Variants in TMEM132D observed in about 807,000 individuals in gnomAD.
TMEM132D encodes mature OL transmembrane protein.
TMEM132D carries 21 observed loss-of-function variants against 62.3 expected under a neutral mutation model. The ratio of observed to expected loss-of-function variants is 0.34; its 90% CI spans 0.24 to 0.49. The LOEUF (loss-of-function observed/expected upper bound fraction) is 0.49. TMEM132D is among the 20% of genes least tolerant of loss of function. The pLI, the probability that TMEM132D is intolerant of heterozygous loss-of-function variation, is 0.99. For missense variants in TMEM132D, 1,346 were observed against 1,402.8 expected, an observed-to-expected ratio of 0.96 and a Z score of 0.65; for synonymous variants, 621 against 575.6, an observed-to-expected ratio of 1.08 and a Z score of -1.13.
rs1037186706 is a variant in TMEM132D, at chr12:129,596,770, G to GT, written c.969-65566dup. 3.6e-3 allele frequency among the ~76,000 whole-genome samples: 518 copies of GT among 145,050 alleles called. 5 individuals are homozygous for GT. Among genetic ancestry groups the GT allele is most frequent in the African/African-American group, 0.011 (425 of 39,694 alleles). Reference sequence around the variant, plus strand: ...ATGCCTCTGACCTCATTCGAATGGTGTTTTTTTTTTTAAACTCCTGTTTGA... The same window carrying GT: ...ATGCCTCTGACCTCATTCGAATGGTGTTTTTTTTTTTTAAACTCCTGTTTGA... On this transcript the variant is annotated intron_variant, in intron 2 of 8. Coordinates refer to ENST00000422113, the MANE Select transcript of TMEM132D (RefSeq NM_133448.3).
intron 2 of TMEM132D, among the ~76,000 whole-genome samples, chr12:129,535,755 A>C (rs147493638): frequency 1.1e-3 from 160 of 147,688 alleles, no homozygotes; most frequent in Admixed American, 2.2e-3. Flanking sequence ...GTTTGTTGGG[A>C]GATTCATTTA....
chr12:129,150,213 A>G lies in TMEM132D; in HGVS notation c.1443+59307T>C, dbSNP rs539824831. 1.4e-4 allele frequency among the ~76,000 whole-genome samples: 21 copies of G among 152,254 alleles called. No homozygotes were observed. In the East Asian group the frequency reaches 4.1e-3, roughly 30 times the overall value. ...TACAAAGCCATCTACTGCAGCATCT[A>G]TTTGATCCCAGGGGAGCCCCATCCA... On this transcript the variant is annotated intron_variant, in intron 5 of 8. Transcript: ENST00000422113.
intron 1 of TMEM132D, among the ~76,000 whole-genome samples, chr12:129,714,570 AGACT>A (rs777456782): frequency 5.9e-5 from 9 of 152,216 alleles, no homozygotes; most frequent in Non-Finnish European, 1.2e-4. Context: ...TGCAGTAGAC[AGACT>A]AACATGTATC....
chr12:129,700,755 A>C (rs2137228237), intron 1 of TMEM132D, 57 bp from the exon 2 acceptor site: 3 of 1,520,246 alleles, frequency 2.0e-6, no homozygotes, highest in Non-Finnish European at 2.6e-6. Flanking sequence ...TGTTACCAGC[A>C]TTTCAGACAT....
At chr12:129,725,910 G>T (rs1869017570) in intron 1 of TMEM132D, among the ~76,000 whole-genome samples, 1 of 152,204 alleles carries the variant, frequency 6.6e-6, no homozygotes, top group South Asian at 2.1e-4. Context: ...GGTTCTCAAT[G>T]TGCACAGGCT....
intron 4 of TMEM132D, among the ~76,000 whole-genome samples, chr12:129,259,341 C>G (rs139326043): frequency 2.6e-5 from 4 of 152,188 alleles, no homozygotes; most frequent in Non-Finnish European, 5.9e-5. Context: ...GGAGAAGAAC[C>G]AGGCATGAGC....
intron 2 of TMEM132D, among the ~76,000 whole-genome samples, chr12:129,549,887 T>C (rs1876845498): frequency 6.6e-6 from 1 of 152,176 alleles, no homozygotes; most frequent in Non-Finnish European, 1.5e-5. Context: ...AAGCAAGACC[T>C]CGGCAAGTCT....
intron 3 of TMEM132D, among the ~76,000 whole-genome samples, chr12:129,383,631 G>A (rs971268343): frequency 6.6e-6 from 1 of 152,094 alleles, no homozygotes; most frequent in African/African-American, 2.4e-5. Context: ...TAGAGACAGG[G>A]TTTCAACATA....
intron 1 of TMEM132D, among the ~76,000 whole-genome samples, chr12:129,843,617 A>G (rs1386778746): frequency 6.6e-6 from 1 of 152,248 alleles, no homozygotes; most frequent in Non-Finnish European, 1.5e-5. Context: ...GAGCGGAAAC[A>G]GGGACACAGG....
At chr12:129,726,541 G>C (rs746357983) in intron 1 of TMEM132D, among the ~76,000 whole-genome samples, 5 of 152,172 alleles carry the variant, frequency 3.3e-5, no homozygotes, top group Non-Finnish European at 7.3e-5. Context: ...AGATCACAAA[G>C]GGTCTGTGGA....
chr12:129,642,590 T>A (rs1469655665), intron 2 of TMEM132D, among the ~76,000 whole-genome samples: 1 of 152,228 alleles, frequency 6.6e-6, no homozygotes, highest in Non-Finnish European at 1.5e-5. Context: ...TCTATTTGGC[T>A]CTATCCTTTG....
At chr12:129,092,589 G>T (rs576741778) in intron 5 of TMEM132D, among the ~76,000 whole-genome samples, 1 of 152,274 alleles carries the variant, frequency 6.6e-6, no homozygotes, top group Non-Finnish European at 1.5e-5. Context: ...CAGCTACTTG[G>T]GAGGCTGAGG....
At chr12:129,193,539 A>G (rs1415951297) in intron 5 of TMEM132D, among the ~76,000 whole-genome samples, 1 of 152,230 alleles carries the variant, frequency 6.6e-6, no homozygotes, top group East Asian at 1.9e-4. Flanking sequence ...TTTTGCAAAT[A>G]ACACATCCAA....
chr12:129,848,602 C>G (rs760595760), intron 1 of TMEM132D, among the ~76,000 whole-genome samples: 1 of 152,112 alleles, frequency 6.6e-6, no homozygotes, highest in East Asian at 1.9e-4. Flanking sequence ...CAGTCATTTG[C>G]AAATTAGATA....
intron 4 of TMEM132D, among the ~76,000 whole-genome samples, chr12:129,309,881 C>A (rs1881931573): frequency 1.3e-5 from 2 of 152,054 alleles, no homozygotes; most frequent in African/African-American, 4.8e-5. Context: ...ATACAAAAGC[C>A]ATGGTAGAGT....
chr12:129,681,117 A>C (rs1880766996), intron 2 of TMEM132D, among the ~76,000 whole-genome samples: 1 of 152,230 alleles, frequency 6.6e-6, no homozygotes, highest in South Asian at 2.1e-4. Flanking sequence ...ACAGCAGGGT[A>C]AGGGTAGAAA....
intron 3 of TMEM132D, among the ~76,000 whole-genome samples, chr12:129,510,853 A>T (rs1875475746): frequency 6.6e-6 from 1 of 152,064 alleles, no homozygotes; most frequent in African/African-American, 2.4e-5. Flanking sequence ...AAACGAGTTC[A>T]CTGTTGGTAT....
chr12:129,795,001 C>T (rs530678959), intron 1 of TMEM132D, among the ~76,000 whole-genome samples: 6 of 152,258 alleles, frequency 3.9e-5, no homozygotes, highest in Admixed American at 2.6e-4. Flanking sequence ...CACCAGCCTA[C>T]CCAGGTTTGT....
intron 2 of TMEM132D, among the ~76,000 whole-genome samples, chr12:129,604,894 GAA>G (rs1035621177): frequency 6.6e-6 from 1 of 152,120 alleles, no homozygotes; most frequent in African/African-American, 2.4e-5. Flanking sequence ...ACCTTACTAA[GAA>G]AATAGTTTAA....
Sources: allele counts gnomAD v4.1 joint callset (sites outside exome capture counted in the v4.1 genomes callset), GRCh38; gene constraint gnomAD v4.1.1; transcripts MANE v1.5; gene names NCBI Gene and HGNC (gene_info 2026-07-23, HGNC 2026-07-21).